Variants in LONRF1 observed in about 807,000 individuals in gnomAD.
The protein encoded by LONRF1 is LON peptidase N-terminal domain and RING finger protein 1.
In LONRF1, 37 loss-of-function variants were observed where a neutral mutation model predicts 85.8. The observed-to-expected ratio is 0.43, with a 90% CI of 0.33 to 0.57. The LOEUF (loss-of-function observed/expected upper bound fraction) is 0.57, where lower values mean the gene tolerates loss of function less well. Ranked by LOEUF, LONRF1 falls within the 20% of genes least tolerant of loss-of-function variation. LONRF1 has a pLI of 0.04. For synonymous variants in LONRF1, 517 were observed against 390.1 expected (o/e 1.33, Z -3.83); for missense variants, 1,036 against 978.0 (o/e 1.06, Z -0.79).
At chr8:12,738,759 A>G (rs1160521924) in intron 3 of LONRF1, 2 of 152,196 alleles carry the variant, frequency 1.3e-5, no homozygotes, top group East Asian at 3.8e-4. Flanking sequence ...TACCTCAGGA[A>G]TATGCCTAAA....
At chr8:12,728,464 C>T (rs1798403323) in intron 10 of LONRF1, among the ~76,000 whole-genome samples, 1 of 152,218 alleles carries the variant, frequency 6.6e-6, no homozygotes, top group Non-Finnish European at 1.5e-5. Flanking sequence ...GATGTGTTTA[C>T]ATTTACATCA....
chr8:12,740,200 T>C (rs767081986), intron 3 of LONRF1, among the ~76,000 whole-genome samples: 7 of 152,214 alleles, frequency 4.6e-5, no homozygotes, highest in South Asian at 2.1e-4. Flanking sequence ...TGAATTTGTA[T>C]TAGCATAGAT....
At chr8:12,739,136 C>A (rs1473213260) in intron 3 of LONRF1, among the ~76,000 whole-genome samples, 1 of 151,874 alleles carries the variant, frequency 6.6e-6, no homozygotes, top group Non-Finnish European at 1.5e-5. Flanking sequence ...TAAGTTTTTG[C>A]CAAAGGGATG....
chr8:12,739,061 C>T (rs1798829848), intron 3 of LONRF1, among the ~76,000 whole-genome samples: 2 of 152,038 alleles, frequency 1.3e-5, no homozygotes, highest in African/African-American at 4.8e-5. Context: ...TACACATTTA[C>T]ATTTCCTCTG....
Position 12,722,509 on chromosome 8 carries a change from T to A in LONRF1, c.*587A>T, listed in dbSNP as rs1805935302. ...ACATAAATAAGAAACTGTGTCATAGTCAATGGTCAAGACAGTTCAGCAAGA... is the reference window on the plus strand; with the variant it reads ...ACATAAATAAGAAACTGTGTCATAGACAATGGTCAAGACAGTTCAGCAAGA... On this transcript the variant is annotated 3_prime_UTR_variant, in exon 12 of 12. Transcript: ENST00000398246. The A allele has an allele frequency of 6.6e-6, 1 of 152,656 alleles. No individual in the cohort carries two copies. Among genetic ancestry groups the A allele is most frequent in the East Asian group, 1.9e-4 (1 of 5,202 alleles). The allele number at this position is 152,656 out of a possible 1,614,324, so 9.5% of individuals were successfully genotyped here.
chr8:12,740,084 A>C (rs1798872057), intron 3 of LONRF1, among the ~76,000 whole-genome samples: 1 of 152,198 alleles, frequency 6.6e-6, no homozygotes, highest in African/African-American at 2.4e-5. Context: ...CTTTAGGTTT[A>C]ACATGATCCC....
chr8:12,738,139 T>G lies in LONRF1; in HGVS notation c.969A>C (p.Leu323Phe), dbSNP rs762452688. ...AGTTTTCAGGTAATAATAAATCACA[T>G]AAAATCTGTAAGAGAAATATTAAAA... ...APAKLQVQKI[L>F]CDLLLPENLK... Residue 323 changes from leucine (L) to phenylalanine (F), a missense_variant, in exon 4 of 12, where the codon TTA becomes TTC. This residue lies in a region of LONRF1 where 742 missense variants were observed against 614.4 expected (regional missense o/e 1.21). Coordinates refer to ENST00000398246, the MANE Select transcript of LONRF1 (RefSeq NM_152271.5). 2.0e-6 allele frequency: 3 copies of G among 1,536,068 alleles called. No individual in the cohort carries two copies. In the Admixed American group the frequency reaches 5.7e-5, roughly 29 times the overall value.
chr8:12,751,298 T>TTTTTTTTTTTTTG (rs1799383883), intron 1 of LONRF1, among the ~76,000 whole-genome samples: 2 of 82,168 alleles, frequency 2.4e-5, no homozygotes, highest in Non-Finnish European at 5.4e-5. Flanking sequence ...ATTTTTATGT[T>TTTTTTTTTTTTTG]TTTTTTTTTT....
intron 1 of LONRF1, among the ~76,000 whole-genome samples, chr8:12,752,868 G>A (rs1263675853): frequency 6.6e-6 from 1 of 152,174 alleles, no homozygotes; most frequent in Non-Finnish European, 1.5e-5. Context: ...AAACTTCCTT[G>A]GATATGTATA....
In LONRF1 at chr8:12,748,797, C is replaced by G. The variant is rs1799264681; in HGVS notation, c.722-5515G>C. ...GCTATCGAAATTTTCAAAGGCTAAC[C>G]AGAATATCAATTTTTTTTTTTTGCT... On this transcript the variant is annotated intron_variant, in intron 1 of 11. Coordinates refer to ENST00000398246, the MANE Select transcript of LONRF1 (RefSeq NM_152271.5). 2.5e-5 allele frequency among the ~76,000 whole-genome samples: 3 copies of G among 120,318 alleles called. No individual in the cohort carries two copies. In the East Asian group the frequency reaches 7.5e-4, roughly 30 times the overall value. The allele number at this position is 120,318 out of a possible 152,430, so 78.9% of individuals were successfully genotyped here.
At chr8:12,737,333 C>CGGATGCAG in intron 4 of LONRF1, 193 bp from the exon 5 acceptor site, 1 of 728,002 alleles carries the variant, frequency 1.4e-6, no homozygotes, top group Non-Finnish European at 2.4e-6. Context: ...TCCGTATCCA[C>CGGATGCAG]AGGCTCTGCA....
chr8:12,736,933 C>T lies in LONRF1; in HGVS notation c.1321G>A (p.Glu441Lys). 1 of 1,611,692 alleles carries T rather than the reference C, an allele frequency of 6.2e-7. No individual in the cohort carries two copies. The highest frequency in any genetic ancestry group is 8.5e-7 in the Non-Finnish European group (1 of 1,179,072). ...TTTTTCAGCTTATTTCTTCCATCTT[C>T]ATTTACAATCACATCCTGTTCTAAA... The part of the protein sequence containing the change: ...SLLEQDVIVN[E>K]DGRNKLKKQG... Residue 441 changes from glutamate to lysine, a missense_variant, in exon 5 of 12, where the codon GAA becomes AAA. Glu to Lys is a moderately conservative substitution (Grantham distance 56). This residue lies in a region of LONRF1 where 742 missense variants were observed against 614.4 expected (regional missense o/e 1.21). Coordinates refer to ENST00000398246, the MANE Select transcript of LONRF1 (RefSeq NM_152271.5).
intron 1 of LONRF1, among the ~76,000 whole-genome samples, chr8:12,746,790 G>A (rs1585254297): frequency 1.3e-5 from 2 of 152,066 alleles, no homozygotes; most frequent in African/African-American, 4.8e-5. Flanking sequence ...TGGTGGATTC[G>A]AGATTCTAAC....
chr8:12,749,022 T>C lies in LONRF1; in HGVS notation c.721+5678A>G, dbSNP rs181588179. On this transcript the variant is annotated intron_variant, in intron 1 of 11. Transcript: ENST00000398246. ...TAACTCTTTGAACTCTCCTGACCTA[T>C]AATATGCTTACCTCTAAAACACCTA... is the stretch of plus-strand genomic sequence containing the variant. Among the ~76,000 whole-genome samples, 300 of 152,308 alleles carry C rather than the reference T, an allele frequency of 2.0e-3. 1 individual carries two copies. The highest frequency in any genetic ancestry group is 3.3e-3 in the South Asian group (16 of 4,826).
intron 4 of LONRF1, 79 bp downstream of exon 4, chr8:12,737,916 T>C: frequency 6.9e-7 from 1 of 1,458,762 alleles, no homozygotes; most frequent in Non-Finnish European, 9.2e-7. Flanking sequence ...TGCTAGTACT[T>C]GAAACTAGGA....
chr8:12,754,950 G>A lies in LONRF1; in HGVS notation c.471C>T (p.Leu157=), dbSNP rs1799577242. ...LRRELRARCR[L]CRDRLPPATA... ...TGGCGGGCGGCAGCCGGTCCCGGCA[G>A]AGGCGGCAGCGGGCGCGGAGTTCCC... is the stretch of plus-strand genomic sequence containing the variant. The change falls in exon 1 of 12, where the codon CTC becomes CTT. Residue 157 remains leucine, a synonymous_variant. Coordinates refer to ENST00000398246, the MANE Select transcript of LONRF1 (RefSeq NM_152271.5). 1.3e-6 allele frequency: 2 copies of A among 1,491,008 alleles called. No individual in the cohort carries two copies. The highest frequency in any genetic ancestry group is 8.9e-7 in the Non-Finnish European group (1 of 1,125,482). 92.4% of individuals were successfully genotyped at this position (1,491,008 alleles called of 1,614,324 possible). A position where few individuals can be genotyped will look rare whatever the true frequency, so the allele number is the denominator to read the frequency against.
At chr8:12,747,136 A>G (rs1799191742) in intron 1 of LONRF1, among the ~76,000 whole-genome samples, 1 of 152,140 alleles carries the variant, frequency 6.6e-6, no homozygotes, top group Non-Finnish European at 1.5e-5. Context: ...TCATGTTCCC[A>G]TTTTCTCCTT....
intron 8 of LONRF1, 118 bp downstream of exon 8, chr8:12,731,618 G>C: frequency 1.2e-6 from 1 of 829,248 alleles, no homozygotes; most frequent in South Asian, 2.0e-5. Flanking sequence ...CACGGAAACA[G>C]ACCAATACTT....
intron 10 of LONRF1, among the ~76,000 whole-genome samples, chr8:12,726,697 T>C (rs539416673): frequency 2.0e-5 from 3 of 152,330 alleles, no homozygotes; most frequent in African/African-American, 4.8e-5. Context: ...CTCTGTCTCA[T>C]ATGCACAAAC....
Sources: gnomAD v4.1 joint callset for allele counts (sites outside exome capture counted in the v4.1 genomes callset) on GRCh38, gnomAD v4.1.1 for gene constraint, gnomAD v4.1.1 regional missense constraint, MANE v1.5 for transcripts, NCBI Gene and HGNC (gene_info 2026-07-23, HGNC 2026-07-21) for gene names.